Variants in SDK1 observed in about 807,000 individuals in gnomAD.
SDK1 encodes the protein sidekick cell adhesion molecule 1.
A neutral mutation model predicts 245.5 loss-of-function variants in SDK1; 157 were observed. The observed-to-expected ratio is 0.64, with a 90% confidence interval of 0.56 to 0.73. SDK1 has a LOEUF of 0.73. SDK1 is among the 30% of genes least tolerant of loss of function. The probability of loss-of-function intolerance (pLI) is 0.00; values close to 1 mark genes in which losing one functional copy is unlikely to be tolerated. For synonymous variants in SDK1, 1,647 were observed against 1,278.5 expected, an observed-to-expected ratio of 1.29 and a Z score of -6.15; for missense variants, 3,583 against 3,002.3, an observed-to-expected ratio of 1.19 and a Z score of -4.52.
intron 4 of SDK1, among the ~76,000 whole-genome samples, chr7:3,802,212 A>G (rs548028333): frequency 6.6e-6 from 1 of 152,100 alleles, no homozygotes; most frequent in Non-Finnish European, 1.5e-5. Flanking sequence ...ACATGTGCAG[A>G]TGTGTGTAAC....
intron 4 of SDK1, among the ~76,000 whole-genome samples, chr7:3,698,881 G>C (rs889409190): frequency 6.6e-6 from 1 of 152,154 alleles, no homozygotes; most frequent in African/African-American, 2.4e-5. Flanking sequence ...CATCTCATTA[G>C]AGTTTAAGGC....
intron 30 of SDK1, among the ~76,000 whole-genome samples, chr7:4,152,704 A>G (rs191909352): frequency 1.3e-3 from 204 of 152,344 alleles, no homozygotes; most frequent in Admixed American, 3.6e-3. Flanking sequence ...CAGGAAAGTG[A>G]TATTTTGTAC....
At chr7:3,965,932 G>A (rs1405373402) in intron 9 of SDK1, among the ~76,000 whole-genome samples, 8 of 151,882 alleles carry the variant, frequency 5.3e-5, no homozygotes, top group Non-Finnish European at 7.4e-5. Context: ...GAAGGGAGGC[G>A]GATAGGTTGG....
chr7:4,105,587 G>C (rs1350030418), intron 22 of SDK1, among the ~76,000 whole-genome samples: 2 of 152,300 alleles, frequency 1.3e-5, no homozygotes, highest in East Asian at 3.9e-4. Context: ...TTACAGGCGT[G>C]AGCCACCACG....
intron 4 of SDK1, among the ~76,000 whole-genome samples, chr7:3,802,358 T>C (rs1263773647): frequency 1.3e-5 from 2 of 151,698 alleles, no homozygotes; most frequent in Admixed American, 1.3e-4. Context: ...ACCTTATTTC[T>C]AAAAAAATAA....
chr7:3,622,729 G>A (rs919221620), intron 2 of SDK1, among the ~76,000 whole-genome samples: 13 of 152,172 alleles, frequency 8.5e-5, no homozygotes, highest in African/African-American at 3.1e-4. Context: ...CTCGTTATAT[G>A]TGGACTATTA....
rs75175271 is a variant in SDK1, at chr7:4,234,650, C to T, written c.5992+1231C>T. Among the ~76,000 whole-genome samples the T allele has an allele frequency of 8.7e-3, 1,327 of 152,276 alleles. 9 individuals carry two copies. The highest frequency in any genetic ancestry group is 0.014 in the Non-Finnish European group (962 of 68,020). On this transcript the variant is annotated intron_variant, in intron 41 of 44. Transcript: ENST00000404826. Reference sequence around the variant, plus strand: ...TGCCTGTGAGGGACTCAACCCTGGCCGCACCTTAGGGTTGCTTGAGAAAGT... The same window carrying T: ...TGCCTGTGAGGGACTCAACCCTGGCTGCACCTTAGGGTTGCTTGAGAAAGT...
intron 1 of SDK1, among the ~76,000 whole-genome samples, chr7:3,551,309 A>AT (rs1222887022): frequency 6.6e-6 from 1 of 152,122 alleles, no homozygotes; most frequent in Non-Finnish European, 1.5e-5. Context: ...TCTGGGTACT[A>AT]TTTTTTGATA....
chr7:3,897,366 C>T (rs1461665398), intron 5 of SDK1, among the ~76,000 whole-genome samples: 3 of 152,164 alleles, frequency 2.0e-5, no homozygotes, highest in Non-Finnish European at 4.4e-5. Context: ...CTCATTCTCC[C>T]CTTCCCCAGC....
chr7:3,362,295 C>T (rs1243851541), intron 1 of SDK1, among the ~76,000 whole-genome samples: 1 of 152,174 alleles, frequency 6.6e-6, no homozygotes, highest in Non-Finnish European at 1.5e-5. Flanking sequence ...ATGCAGACTT[C>T]TTTCACCTTT....
At chr7:3,655,269 A>G (rs1306261883) in intron 4 of SDK1, among the ~76,000 whole-genome samples, 1 of 151,138 alleles carries the variant, frequency 6.6e-6, no homozygotes, top group African/African-American at 2.4e-5. Context: ...CACTGTCTCT[A>G]CTAAAAATAC....
chr7:3,703,339 T>C (rs1354822389), intron 4 of SDK1, among the ~76,000 whole-genome samples: 2 of 152,172 alleles, frequency 1.3e-5, no homozygotes, highest in African/African-American at 2.4e-5. Flanking sequence ...CTGAGGGGAA[T>C]TACACTGAAA....
chr7:4,163,999 G>A (rs1033990578), intron 32 of SDK1, among the ~76,000 whole-genome samples: 38 of 152,180 alleles, frequency 2.5e-4, no homozygotes, highest in African/African-American at 8.4e-4. Flanking sequence ...CCATGGAGGT[G>A]TGCGGGGCTG....
chr7:3,714,217 A>G (rs935744998), intron 4 of SDK1, among the ~76,000 whole-genome samples: 3 of 152,234 alleles, frequency 2.0e-5, no homozygotes, highest in African/African-American at 7.2e-5. Context: ...CAGAGGCTGC[A>G]GATAGACCAG....
At chr7:4,001,810 C>T (rs13225595) in intron 14 of SDK1, among the ~76,000 whole-genome samples, 1 of 152,220 alleles carries the variant, frequency 6.6e-6, no homozygotes, top group African/African-American at 2.4e-5. Flanking sequence ...TTTGTCTGGC[C>T]TAAGCCTCTT....
intron 4 of SDK1, among the ~76,000 whole-genome samples, chr7:3,719,195 A>T (rs1486019416): frequency 6.6e-6 from 1 of 152,070 alleles, no homozygotes; most frequent in Non-Finnish European, 1.5e-5. Context: ...GGAAGAAATC[A>T]AAGACCTAAA....
chr7:3,885,391 A>C (rs1399634432), intron 5 of SDK1, among the ~76,000 whole-genome samples: 1 of 152,170 alleles, frequency 6.6e-6, no homozygotes, highest in Non-Finnish European at 1.5e-5. Flanking sequence ...CACTCATCAC[A>C]TTCCACAGAG....
intron 40 of SDK1, among the ~76,000 whole-genome samples, chr7:4,232,411 C>CTTTTTTTTTTTTTTTT (rs71032930): frequency 5.1e-5 from 5 of 98,784 alleles, no homozygotes; most frequent in Admixed American, 1.2e-4. Flanking sequence ...TCTTTTCTTT[C>CTTTTTTTTTTTTTTTT]TTTTTTTTTT....
chr7:3,601,823 C>A (rs1391581016), intron 1 of SDK1, among the ~76,000 whole-genome samples: 1 of 129,238 alleles, frequency 7.7e-6, no homozygotes, highest in Non-Finnish European at 1.6e-5. Flanking sequence ...GCTATCCCTC[C>A]CCCCTTCCCC....
Sources: allele counts gnomAD v4.1 joint callset (sites outside exome capture counted in the v4.1 genomes callset), GRCh38; gene constraint gnomAD v4.1.1; transcripts MANE v1.5; gene names NCBI Gene and HGNC (gene_info 2026-07-23, HGNC 2026-07-21).